The following SCARB1 variants were observed in gnomAD, a reference collection of about 807,000 sequenced individuals.
SCARB1 encodes the protein scavenger receptor class B member 1, also known as CD36 and LIMPII analogous 1.
In SCARB1, 30 loss-of-function variants were observed where a neutral mutation model predicts 57.2. The ratio of observed to expected loss-of-function variants is 0.52; its 90% CI spans 0.39 to 0.71. SCARB1 has a LOEUF of 0.71. Ranked by LOEUF, SCARB1 falls within the 30% of genes least tolerant of loss-of-function variation. The pLI is 0.00. For synonymous variants in SCARB1, 249 were observed against 268.3 expected (o/e 0.93, Z 0.70); for missense variants, 543 against 671.2 (o/e 0.81, Z 2.11).
At chr12:124,856,589 C>A (rs1249920551) in intron 1 of SCARB1, among the ~76,000 whole-genome samples, 1 of 152,220 alleles carries the variant, frequency 6.6e-6, no homozygotes, top group Non-Finnish European at 1.5e-5. Flanking sequence ...GGAAGAAAAA[C>A]AAAACAGAAT....
chr12:124,821,403 G>A (rs910661910), intron 1 of SCARB1: 19 of 985,176 alleles, frequency 1.9e-5, no homozygotes, highest in Non-Finnish European at 1.7e-5. Context: ...TCCCCTGGCC[G>A]CTTGGCCTGG....
At chr12:124,856,104 T>C (rs1460023206) in intron 1 of SCARB1, among the ~76,000 whole-genome samples, 2 of 152,220 alleles carry the variant, frequency 1.3e-5, no homozygotes, top group African/African-American at 4.8e-5. Flanking sequence ...GAATGTTTCC[T>C]GGAAACCCCA....
intron 2 of SCARB1, among the ~76,000 whole-genome samples, chr12:124,816,675 G>C (rs888121160): frequency 1.2e-4 from 19 of 152,124 alleles, no homozygotes; most frequent in Admixed American, 1.2e-3. Context: ...GGAAGTGGGG[G>C]TGTGGAGGAG....
intron 1 of SCARB1, among the ~76,000 whole-genome samples, chr12:124,852,513 AGG>A (rs1445607684): frequency 1.3e-5 from 2 of 152,226 alleles, no homozygotes; most frequent in African/African-American, 4.8e-5. Context: ...TGCTGAACTC[AGG>A]GAGTCTGGTT....
At chr12:124,838,874 C>T (rs1156310794) in intron 1 of SCARB1, among the ~76,000 whole-genome samples, 1 of 142,316 alleles carries the variant, frequency 7.0e-6, no homozygotes, top group Non-Finnish European at 1.5e-5. Context: ...CTCCCAGGTT[C>T]AAGAAATTCT....
Position 124,854,445 on chromosome 12 carries a change from G to A in SCARB1, c.126+9150C>T, listed in dbSNP as rs563263341. Among the ~76,000 whole-genome samples, 155 of 152,312 alleles carry A rather than the reference G, an allele frequency of 1.0e-3. 1 individual carries two copies. The highest frequency in any genetic ancestry group is 5.0e-3 in the South Asian group (24 of 4,830). ...ACGGGTCTGGCCATGTCAGGGCTTT[G>A]AGGGGAGGAGGTGCTAAGTGCAATC... On this transcript the variant is annotated intron_variant, in intron 1 of 12. Coordinates refer to ENST00000261693, the MANE Select transcript of SCARB1 (RefSeq NM_005505.5).
Position 124,807,686 on chromosome 12 carries a change from C to T in SCARB1, c.1009+75G>A. On this transcript the variant is annotated intron_variant, in intron 7 of 12. Transcript: ENST00000261693. The surrounding 1 kb of genome is among the most constrained non-coding windows in gnomAD (Gnocchi z 5.3). ...CAGAGGCCAGAGATTAAGCAGACAGCACTGGGCAGATAAACCCTCAGCTGG... is the reference window on the plus strand; with the variant it reads ...CAGAGGCCAGAGATTAAGCAGACAGTACTGGGCAGATAAACCCTCAGCTGG... 1 of 1,405,088 alleles carries T rather than the reference C, an allele frequency of 7.1e-7. No individual in the cohort carries two copies. Among genetic ancestry groups the T allele is most frequent in the Non-Finnish European group, 1.0e-6 (1 of 997,776 alleles). The allele number at this position is 1,405,088 out of a possible 1,614,324, so 87.0% of individuals were successfully genotyped here.
intron 2 of SCARB1, among the ~76,000 whole-genome samples, chr12:124,815,388 C>G (rs999140580): frequency 3.3e-5 from 5 of 151,284 alleles, no homozygotes; most frequent in Middle Eastern, 3.4e-3. Context: ...GAAGTAATCA[C>G]AAGCCCTACT....
At position 124,789,711 on chromosome 12, in the gene SCARB1, A is replaced by G. The variant is rs961044045; in HGVS notation, c.1203-2254T>C. 2.6e-5 allele frequency among the ~76,000 whole-genome samples: 4 copies of G among 152,224 alleles called. No homozygotes were observed. In the East Asian group the frequency reaches 7.7e-4, roughly 29 times the overall value. On this transcript the variant is annotated intron_variant, in intron 9 of 12. Coordinates refer to ENST00000261693, the MANE Select transcript of SCARB1 (RefSeq NM_005505.5). This position sits in a 1 kb window ranked among gnomAD's most constrained non-coding sequence, Gnocchi z 4.4. ...ATTTTAAAACCCTAAAAAAAGAAAAATTAATTTTTAAAAAGAGGGGCTGGG... is the reference window on the plus strand; with the variant it reads ...ATTTTAAAACCCTAAAAAAAGAAAAGTTAATTTTTAAAAAGAGGGGCTGGG...
At chr12:124,852,868 C>T (rs931188999) in intron 1 of SCARB1, among the ~76,000 whole-genome samples, 3 of 152,178 alleles carry the variant, frequency 2.0e-5, no homozygotes, top group Non-Finnish European at 4.4e-5. Context: ...TGGTGAGACC[C>T]CATCTCTACT....
At chr12:124,790,880 G>C (rs1949703477) in intron 9 of SCARB1, among the ~76,000 whole-genome samples, 1 of 152,256 alleles carries the variant, frequency 6.6e-6, no homozygotes, top group Non-Finnish European at 1.5e-5. Flanking sequence ...CTGGCCCGGA[G>C]CTGGCGTCTG....
At chr12:124,856,729 A>C (rs1372929033) in intron 1 of SCARB1, among the ~76,000 whole-genome samples, 2 of 152,180 alleles carry the variant, frequency 1.3e-5, no homozygotes, top group Non-Finnish European at 2.9e-5. Flanking sequence ...GTAGGTGGAG[A>C]CACTGGGCCT....
intron 1 of SCARB1, among the ~76,000 whole-genome samples, chr12:124,845,841 C>T (rs1452007392): frequency 7.3e-6 from 1 of 137,742 alleles, no homozygotes; most frequent in Non-Finnish European, 1.6e-5. Context: ...CCCGTCTCTA[C>T]TAAAAATACA....
At chr12:124,832,469 G>A (rs1391919857) in intron 1 of SCARB1, among the ~76,000 whole-genome samples, 1 of 151,454 alleles carries the variant, frequency 6.6e-6, no homozygotes, top group Non-Finnish European at 1.5e-5. Context: ...CTAGTGAGCC[G>A]AGATTGTGCC....
intron 1 of SCARB1, among the ~76,000 whole-genome samples, chr12:124,838,383 C>T (rs1336709647): frequency 6.6e-6 from 1 of 152,168 alleles, no homozygotes; most frequent in East Asian, 1.9e-4. Flanking sequence ...TGAGATGACC[C>T]AGGACATGTG....
chr12:124,781,835 T>C (rs908171289), intron 12 of SCARB1, among the ~76,000 whole-genome samples: 4 of 151,556 alleles, frequency 2.6e-5, no homozygotes, highest in Non-Finnish European at 2.9e-5. Context: ...AGGTATACAG[T>C]TGGTGTTCAG....
rs1950626119 is a variant in SCARB1, at chr12:124,814,453, C to T, written c.427-48G>A. 2 of 1,586,284 alleles carry T rather than the reference C, an allele frequency of 1.3e-6. No individual in the cohort carries two copies. The highest frequency in any genetic ancestry group is 8.6e-7 in the Non-Finnish European group (1 of 1,156,646). On this transcript the variant is annotated intron_variant, in intron 3 of 12. Coordinates refer to ENST00000261693, the MANE Select transcript of SCARB1 (RefSeq NM_005505.5). The surrounding 1 kb of genome is among the most constrained non-coding windows in gnomAD (Gnocchi z 4.7). ...TGTCAGAGGCTGGACGTGGCTGGCC[C>T]ATCCTCCCTTGGCCCCAGCTGGGCC...
At chr12:124,834,588 G>T (rs1951549640) in intron 1 of SCARB1, among the ~76,000 whole-genome samples, 1 of 152,176 alleles carries the variant, frequency 6.6e-6, no homozygotes, top group Admixed American at 6.6e-5. Flanking sequence ...TGTTTACTAG[G>T]TACCTGTTCG....
intron 1 of SCARB1, among the ~76,000 whole-genome samples, chr12:124,845,281 G>A (rs1763867562): frequency 6.6e-6 from 1 of 152,168 alleles, no homozygotes; most frequent in African/African-American, 2.4e-5. Flanking sequence ...GTGGAGGCCT[G>A]CTCAGCTACA....
Sources: allele counts gnomAD v4.1 joint callset (sites outside exome capture counted in the v4.1 genomes callset), GRCh38; gene constraint gnomAD v4.1.1; non-coding constraint Gnocchi (gnomAD v3.1); transcripts MANE v1.5; gene names NCBI Gene and HGNC (gene_info 2026-07-23, HGNC 2026-07-21).